Variants in SPATA6 observed in about 807,000 individuals in gnomAD.
SPATA6 encodes the protein spermatogenesis-associated protein 6.
In SPATA6, 56 loss-of-function variants were observed where a neutral mutation model predicts 65.3. The ratio of observed to expected loss-of-function variants is 0.86; its 90% CI spans 0.69 to 1.07. SPATA6 has a LOEUF of 1.07. Among genes scored for constraint, SPATA6 ranks in the 50% least tolerant of loss-of-function variants. SPATA6 has a pLI of 0.00. For synonymous variants in SPATA6, 199 were observed against 213.2 expected (o/e 0.93, Z 0.58); for missense variants, 590 against 594.8 (o/e 0.99, Z 0.08).
the SPATA6 span, among the ~76,000 whole-genome samples, chr1:48,267,752 G>GTTGTT: frequency 1.4e-5 from 1 of 72,676 alleles, no homozygotes; most frequent in African/African-American, 5.6e-5. Context: ...TAGGGTCTGG[G>GTTGTT]TTTTTTTTTT....
At chr1:48,386,290 G>T (rs1286846275) in intron 8 of SPATA6, among the ~76,000 whole-genome samples, 36 of 152,128 alleles carry the variant, frequency 2.4e-4, no homozygotes, top group Admixed American at 2.4e-3. Context: ...TCTACATGTA[G>T]ATTTGGAGCT....
chr1:48,389,099 C>A (rs1649791989), intron 8 of SPATA6, among the ~76,000 whole-genome samples: 1 of 152,106 alleles, frequency 6.6e-6, no homozygotes, highest in African/African-American at 2.4e-5. Flanking sequence ...CCTGCCTCGG[C>A]CTCCCAAAGT....
Position 48,399,567 on chromosome 1 carries a change from CT to C in SPATA6, c.563del (p.Lys188ArgfsTer14), listed in dbSNP as rs1408024688. 2 of 1,612,608 alleles carry C rather than the reference CT, an allele frequency of 1.2e-6. No individual in the cohort carries two copies. The highest frequency in any genetic ancestry group is 1.7e-6 in the Non-Finnish European group (2 of 1,179,180). On this transcript the variant is annotated frameshift_variant, in exon 7 of 13. Coordinates refer to ENST00000371847, the MANE Select transcript of SPATA6 (RefSeq NM_019073.4). LOFTEE classifies it high-confidence loss of function. ...RLQNRTSRSQ[K>X]KKSKSPERSK... is the part of the protein sequence containing the mutation. ...TTCTCTCAGGTGACTTGGATTTTTT[CT>C]TTTGTGATCTTGATGTTCTGTTTTG...
chr1:48,452,932 T>G, intron 2 of SPATA6, 62 bp downstream of exon 2: 1 of 1,556,452 alleles, frequency 6.4e-7, no homozygotes, highest in Non-Finnish European at 8.7e-7. Context: ...AGGCTTTTAT[T>G]CAAAAATTGG....
chr1:48,442,467 G>A (rs901584692), intron 3 of SPATA6, among the ~76,000 whole-genome samples: 6 of 151,884 alleles, frequency 4.0e-5, no homozygotes, highest in African/African-American at 1.5e-4. Context: ...AAGGGAAGGA[G>A]AGAGGAGAAC....
At chr1:48,434,253 G>C (rs1410436309) in intron 3 of SPATA6, among the ~76,000 whole-genome samples, 3 of 91,994 alleles carry the variant, frequency 3.3e-5, no homozygotes, top group African/African-American at 1.2e-4. Context: ...AGATACAGCA[G>C]TGAAAGAAAA....
the SPATA6 span, among the ~76,000 whole-genome samples, chr1:48,284,276 A>G: frequency 6.6e-6 from 1 of 152,086 alleles, no homozygotes; most frequent in Non-Finnish European, 1.5e-5. Context: ...TTTCAACTCC[A>G]TCAGGTCATT....
At chr1:48,451,466 T>C in intron 3 of SPATA6, 86 bp downstream of exon 3, 1 of 1,360,148 alleles carries the variant, frequency 7.4e-7, no homozygotes, top group Non-Finnish European at 1.0e-6. Flanking sequence ...CCTTTTAAAC[T>C]TTTATTTAAC....
intron 9 of SPATA6, among the ~76,000 whole-genome samples, chr1:48,382,119 CCG>C (rs1648707539): frequency 1.1e-5 from 1 of 93,314 alleles, no homozygotes; most frequent in Non-Finnish European, 2.2e-5. Flanking sequence ...CCACACAGAC[CCG>C]GCAACCATCC....
intron 7 of SPATA6, among the ~76,000 whole-genome samples, chr1:48,395,560 A>C (rs143594213): frequency 2.0e-5 from 3 of 152,046 alleles, no homozygotes; most frequent in African/African-American, 7.2e-5. Context: ...TAACTTCAAA[A>C]ATTTTTAATT....
At chr1:48,317,610 T>G (rs1199366220) in intron 11 of SPATA6, among the ~76,000 whole-genome samples, 1 of 151,952 alleles carries the variant, frequency 6.6e-6, no homozygotes, top group Non-Finnish European at 1.5e-5. Flanking sequence ...CACACCAACA[T>G]AGCACATGTA....
chr1:48,279,668 G>C, the SPATA6 span, among the ~76,000 whole-genome samples: 79 of 152,204 alleles, frequency 5.2e-4, no homozygotes, highest in African/African-American at 1.4e-3. Flanking sequence ...ACAGGAGCAT[G>C]CAGATTCATA....
At chr1:48,270,340 T>C in the SPATA6 span, among the ~76,000 whole-genome samples, 10 of 152,156 alleles carry the variant, frequency 6.6e-5, no homozygotes, top group Non-Finnish European at 1.3e-4. Context: ...TTTTAATGCG[T>C]AAAGGTAAGT....
At chr1:48,401,378 A>G (rs1651147363) in intron 6 of SPATA6, among the ~76,000 whole-genome samples, 1 of 152,116 alleles carries the variant, frequency 6.6e-6, no homozygotes, top group Non-Finnish European at 1.5e-5. Context: ...GTTATAAATT[A>G]CATACTATCT....
chr1:48,413,257 T>C, intron 3 of SPATA6, 106 bp from the exon 4 acceptor site: 1 of 371,884 alleles, frequency 2.7e-6, no homozygotes, highest in Non-Finnish European at 4.8e-6. Context: ...CTAGGTAGAC[T>C]ACATATATGT....
At chr1:48,393,162 G>C (rs1650242402) in intron 8 of SPATA6, 1 of 152,068 alleles carries the variant, frequency 6.6e-6, no homozygotes, top group Non-Finnish European at 1.5e-5. Context: ...ACAAAAGACA[G>C]AAATAGCACC....
At chr1:48,324,494 C>A (rs976042723) in intron 11 of SPATA6, among the ~76,000 whole-genome samples, 2 of 152,070 alleles carry the variant, frequency 1.3e-5, no homozygotes. Flanking sequence ...GATTATTTAT[C>A]ATGACCAAGT....
intron 1 of SPATA6, among the ~76,000 whole-genome samples, chr1:48,456,255 T>C (rs1375549759): frequency 6.6e-6 from 1 of 152,220 alleles, no homozygotes; most frequent in Non-Finnish European, 1.5e-5. Context: ...AAGGCCACTC[T>C]TTAGGAGAAC....
chr1:48,444,092 G>A (rs543097261), intron 3 of SPATA6, among the ~76,000 whole-genome samples: 1 of 152,336 alleles, frequency 6.6e-6, no homozygotes, highest in East Asian at 1.9e-4. Flanking sequence ...TTAGAGAGGG[G>A]ACTGAGAGGT....
Sources: gnomAD v4.1 joint callset for allele counts (sites outside exome capture counted in the v4.1 genomes callset) on GRCh38, gnomAD v4.1.1 for gene constraint, MANE v1.5 for transcripts, NCBI Gene and HGNC (gene_info 2026-07-23, HGNC 2026-07-21) for gene names.